The following KCNIP4 variants were observed in gnomAD, a reference collection of about 807,000 sequenced individuals.
KCNIP4 encodes the protein Kv channel-interacting protein 4.
Under a neutral mutation model 34.0 loss-of-function variants are expected in KCNIP4, and 12 were observed. The ratio of observed to expected loss-of-function variants is 0.35; its 90% CI spans 0.23 to 0.57. The LOEUF (loss-of-function observed/expected upper bound fraction) is 0.57. Ranked by LOEUF, KCNIP4 falls within the 20% of genes least tolerant of loss-of-function variation. The probability of loss-of-function intolerance (pLI) is 0.83; values close to 1 mark genes in which losing one functional copy is unlikely to be tolerated. For missense variants in KCNIP4, 238 were observed against 311.7 expected (o/e 0.76, Z 1.78); for synonymous variants, 124 against 102.2 (o/e 1.21, Z -1.29).
chr4:21,173,277 C>G (rs749512441), intron 1 of KCNIP4, among the ~76,000 whole-genome samples: 1 of 151,908 alleles, frequency 6.6e-6, no homozygotes, highest in East Asian at 1.9e-4. Context: ...GGAAAAAAAA[C>G]CACTTTGTAA....
intron 1 of KCNIP4, among the ~76,000 whole-genome samples, chr4:21,098,156 C>T (rs1394374339): frequency 6.6e-6 from 1 of 152,112 alleles, no homozygotes; most frequent in East Asian, 1.9e-4. Context: ...AAGGAAGCTA[C>T]AGAAGAAAAG....
intron 1 of KCNIP4, among the ~76,000 whole-genome samples, chr4:21,772,013 G>A (rs546353665): frequency 2.4e-4 from 37 of 152,276 alleles, no homozygotes; most frequent in African/African-American, 8.4e-4. Context: ...CTTTCAAAGG[G>A]AATGCCTCCA....
intron 1 of KCNIP4, among the ~76,000 whole-genome samples, chr4:21,718,063 G>C (rs1714523105): frequency 6.6e-6 from 1 of 152,132 alleles, no homozygotes; most frequent in African/African-American, 2.4e-5. Context: ...TACATTCTCA[G>C]AAATAAGCAT....
chr4:20,801,184 C>T (rs901974472), intron 3 of KCNIP4, among the ~76,000 whole-genome samples: 16 of 151,608 alleles, frequency 1.1e-4, no homozygotes, highest in Admixed American at 9.9e-4. Context: ...CCCGGCAGAG[C>T]TATCCCTCAG....
rs1578077764 is a variant in KCNIP4, at chr4:21,323,450, T to C, written c.62-440741A>G. 2.0e-5 allele frequency among the ~76,000 whole-genome samples: 3 copies of C among 152,054 alleles called. No individual in the cohort carries two copies. In the East Asian group the frequency reaches 5.8e-4, roughly 29 times the overall value. On this transcript the variant is annotated intron_variant, in intron 1 of 8. Transcript: ENST00000382152. ...TGGACTCTTGTAACCATTATTCTAC[T>C]CTGTATCTTCATGAGTTAAATTGTT...
chr4:21,472,841 A>G (rs972873225), intron 1 of KCNIP4, among the ~76,000 whole-genome samples: 21 of 152,280 alleles, frequency 1.4e-4, no homozygotes, highest in African/African-American at 5.1e-4. Context: ...AAATCCCTAT[A>G]TTCTAAGATT....
chr4:20,898,321 A>G (rs868624443), intron 1 of KCNIP4, among the ~76,000 whole-genome samples: 2 of 152,208 alleles, frequency 1.3e-5, no homozygotes, highest in Non-Finnish European at 2.9e-5. Context: ...CTCTTTGTAT[A>G]CATAGTCTAT....
At chr4:21,401,119 C>T (rs1306857302) in intron 1 of KCNIP4, among the ~76,000 whole-genome samples, 1 of 152,114 alleles carries the variant, frequency 6.6e-6, no homozygotes, top group African/African-American at 2.4e-5. Flanking sequence ...TGACATGGTG[C>T]CACTGCACTC....
At chr4:21,813,812 C>T (rs1024119593) in intron 1 of KCNIP4, among the ~76,000 whole-genome samples, 1 of 152,084 alleles carries the variant, frequency 6.6e-6, no homozygotes, top group African/African-American at 2.4e-5. Context: ...ATTTATCCTT[C>T]GTTTGATGAG....
intron 1 of KCNIP4, among the ~76,000 whole-genome samples, chr4:21,201,218 C>T (rs902810447): frequency 2.0e-5 from 3 of 152,088 alleles, no homozygotes; most frequent in Non-Finnish European, 4.4e-5. Flanking sequence ...CTGTTATAGC[C>T]CAATATGCTT....
intron 1 of KCNIP4, among the ~76,000 whole-genome samples, chr4:21,916,070 A>T (rs1376921896): frequency 6.6e-6 from 1 of 152,220 alleles, no homozygotes; most frequent in African/African-American, 2.4e-5. Context: ...TGAAGCCTGC[A>T]TCCATATGTT....
rs188417605 is a variant in KCNIP4, at chr4:21,804,833, T to C, written c.61+143738A>G. 2.0e-5 allele frequency among the ~76,000 whole-genome samples: 3 copies of C among 152,306 alleles called. No homozygotes were observed. The East Asian group carries it at 5.8e-4, about 29-fold the overall frequency. On this transcript the variant is annotated intron_variant, in intron 1 of 8. Transcript: ENST00000382152. ...AAACATACAATTTCATTCTGTCACA[T>C]TCCACTGCCATTCCACTCACTAACA...
chr4:21,866,739 G>A (rs904756748), intron 1 of KCNIP4, among the ~76,000 whole-genome samples: 1 of 147,250 alleles, frequency 6.8e-6, no homozygotes, highest in Non-Finnish European at 1.5e-5. Flanking sequence ...CCTATTCAAA[G>A]TGAATTCCAT....
chr4:21,303,912 G>A, intron 1 of KCNIP4: 1 of 1,613,948 alleles, frequency 6.2e-7, no homozygotes. Flanking sequence ...TTCATGGTCA[G>A]CTAGGTCATG....
intron 1 of KCNIP4, among the ~76,000 whole-genome samples, chr4:21,723,105 T>C (rs563640443): frequency 6.6e-6 from 1 of 152,208 alleles, no homozygotes; most frequent in South Asian, 2.1e-4. Context: ...TATGAAAAGA[T>C]TTGCTGCCAC....
intron 1 of KCNIP4, among the ~76,000 whole-genome samples, chr4:21,811,952 TCTTA>T (rs781349566): frequency 7.2e-5 from 11 of 152,124 alleles, no homozygotes; most frequent in Non-Finnish European, 1.5e-4. Context: ...CCACAAACAT[TCTTA>T]CTGTTTGATG....
chr4:21,441,077 A>G (rs1370993286), intron 1 of KCNIP4, among the ~76,000 whole-genome samples: 1 of 151,820 alleles, frequency 6.6e-6, no homozygotes, highest in African/African-American at 2.4e-5. Context: ...CTTCTGTATC[A>G]AATTTAAATT....
At chr4:20,768,410 ACTT>A (rs780976646) in intron 3 of KCNIP4, among the ~76,000 whole-genome samples, 13 of 152,312 alleles carry the variant, frequency 8.5e-5, no homozygotes, top group African/African-American at 2.9e-4. Flanking sequence ...CAAGAAAAAC[ACTT>A]CTTATTTCAA....
intron 1 of KCNIP4, among the ~76,000 whole-genome samples, chr4:21,370,834 TATATATATATATATATAC>T (rs1378292863): frequency 2.0e-3 from 65 of 32,374 alleles, no homozygotes; most frequent in African/African-American, 9.5e-3. Flanking sequence ...TATATATATA[TATATATATATATATATAC>T]ACACACACAC....
Sources: allele counts gnomAD v4.1 joint callset (sites outside exome capture counted in the v4.1 genomes callset), GRCh38; gene constraint gnomAD v4.1.1; transcripts MANE v1.5; gene names NCBI Gene and HGNC (gene_info 2026-07-23, HGNC 2026-07-21).